Variants in KAZN observed in about 807,000 individuals in gnomAD.
The protein encoded by KAZN is kazrin, periplakin interacting protein, also known as kazrin.
Under a neutral mutation model 87.4 loss-of-function variants are expected in KAZN, and 40 were observed. That is an observed-to-expected ratio of 0.46 (90% CI 0.36 to 0.60). The LOEUF (loss-of-function observed/expected upper bound fraction) is 0.60, where lower values mean the gene tolerates loss of function less well. Among genes scored for constraint, KAZN ranks in the 20% least tolerant of loss-of-function variants. The pLI is 0.00. For synonymous variants in KAZN, 466 were observed against 458.3 expected (o/e 1.02, Z -0.22); for missense variants, 898 against 1,073.9 (o/e 0.84, Z 2.29).
rs1368693601 is a variant in KAZN, at chr1:15,066,677, G to A, written c.1222+924G>A. The stretch of plus-strand genomic sequence containing the variant: ...ATGTCTATTTTTCCATGGGGTGGGC[G>A]GGAGGTGGGTGTCTCTGTTGACTTG... On this transcript the variant is annotated intron_variant, in intron 8 of 14. Transcript: ENST00000376030. This position sits in a 1 kb window ranked among gnomAD's most constrained non-coding sequence, Gnocchi z 4.3. 6.1e-6 allele frequency: 6 copies of A among 985,152 alleles called. No homozygotes were observed. The highest frequency in any genetic ancestry group is 6.2e-5 in the Admixed American group (1 of 16,256). 61.0% of individuals were successfully genotyped at this position (985,152 alleles called of 1,614,324 possible).
At chr1:14,261,383 T>C (rs1337660163) in intron 2 of KAZN, among the ~76,000 whole-genome samples, 3 of 152,210 alleles carry the variant, frequency 2.0e-5, no homozygotes, top group Non-Finnish European at 2.9e-5. Flanking sequence ...ATGATTATTA[T>C]TGTTGTAATC....
At position 14,633,975 on chromosome 1, in the gene KAZN, G is replaced by T. The variant is rs16850626; in HGVS notation, c.226+34752G>T. ...CAATAGAACCTGACAAAATGGGGTT[G>T]TTCTGGTGCCCTGGTGCCTACCTGT... is the stretch of plus-strand genomic sequence containing the variant. On this transcript the variant is annotated intron_variant, in intron 1 of 14. Transcript: ENST00000376030. Among the ~76,000 whole-genome samples, 865 of 152,184 alleles carry T rather than the reference G, an allele frequency of 5.7e-3. 11 individuals are homozygous for T. The highest frequency in any genetic ancestry group is 0.02 in the African/African-American group (834 of 41,514).
chr1:14,535,453 G>T (rs575219246), intron 2 of KAZN, among the ~76,000 whole-genome samples: 2 of 152,270 alleles, frequency 1.3e-5, no homozygotes, highest in South Asian at 2.1e-4. Context: ...GGATCACAAG[G>T]TCAGGAGATT....
At chr1:14,907,748 T>A (rs1656774063) in intron 1 of KAZN, among the ~76,000 whole-genome samples, 3 of 151,922 alleles carry the variant, frequency 2.0e-5, no homozygotes, top group Non-Finnish European at 4.4e-5. Context: ...GTAAGGAAAG[T>A]CATGGAGCTG....
intron 2 of KAZN, among the ~76,000 whole-genome samples, chr1:14,475,792 C>A (rs145229210): frequency 9.2e-5 from 14 of 151,948 alleles, no homozygotes; most frequent in African/African-American, 3.4e-4. Context: ...TGATGTGAGG[C>A]AAAGGAAAGC....
chr1:14,747,143 G>A (rs189160272), intron 1 of KAZN, among the ~76,000 whole-genome samples: 262 of 152,204 alleles, frequency 1.7e-3, no homozygotes, highest in Non-Finnish European at 3.2e-3. Context: ...TCATCAGTGC[G>A]GTAGCATGTT....
At chr1:14,427,065 G>A (rs532798987) in intron 2 of KAZN, among the ~76,000 whole-genome samples, 1 of 152,212 alleles carries the variant, frequency 6.6e-6, no homozygotes, top group Admixed American at 6.5e-5. Context: ...CACAAGACCT[G>A]TAAAATTGTT....
chr1:14,499,417 T>G (rs1670119751), intron 2 of KAZN, among the ~76,000 whole-genome samples: 1 of 152,196 alleles, frequency 6.6e-6, no homozygotes, highest in South Asian at 2.1e-4. Context: ...ATGGGATCGA[T>G]TCCTCCTAAG....
At chr1:13,917,722 A>G (rs1057217613) in intron 1 of KAZN, among the ~76,000 whole-genome samples, 11 of 150,402 alleles carry the variant, frequency 7.3e-5, no homozygotes, top group African/African-American at 2.2e-4. Flanking sequence ...ACTGGGGCCC[A>G]GAAGGTTGAG....
intron 1 of KAZN, among the ~76,000 whole-genome samples, chr1:13,913,275 T>C (rs1434849968): frequency 6.6e-6 from 1 of 152,100 alleles, no homozygotes; most frequent in East Asian, 1.9e-4. Context: ...TGTTTTGGTA[T>C]AAACTAGCAG....
At chr1:13,961,934 C>T (rs1443794614) in intron 1 of KAZN, among the ~76,000 whole-genome samples, 1 of 152,186 alleles carries the variant, frequency 6.6e-6, no homozygotes, top group African/African-American at 2.4e-5. Context: ...CCTCTTGCAC[C>T]CTCAGGGCCT....
At chr1:14,130,031 A>G (rs565093829) in intron 1 of KAZN, among the ~76,000 whole-genome samples, 2 of 152,358 alleles carry the variant, frequency 1.3e-5, no homozygotes, top group South Asian at 4.1e-4. Flanking sequence ...TTAAAAAATG[A>G]ATAAGATTCA....
intron 1 of KAZN, among the ~76,000 whole-genome samples, chr1:14,097,297 A>G (rs891609479): frequency 1.3e-5 from 2 of 152,208 alleles, no homozygotes; most frequent in African/African-American, 2.4e-5. Context: ...AAACTATTGC[A>G]ATAGTCCAGG....
intron 1 of KAZN, among the ~76,000 whole-genome samples, chr1:14,074,277 C>A (rs1435586694): frequency 1.3e-5 from 2 of 152,268 alleles, no homozygotes; most frequent in African/African-American, 4.8e-5. Flanking sequence ...CTTTGGCTCC[C>A]AGCCCCCAGC....
At chr1:14,164,532 C>CTA (rs1394843150) in intron 1 of KAZN, among the ~76,000 whole-genome samples, 1 of 132,790 alleles carries the variant, frequency 7.5e-6, no homozygotes, top group Admixed American at 7.5e-5. Flanking sequence ...TGTGAGTTTC[C>CTA]TCTTTTTTTT....
intron 4 of KAZN, among the ~76,000 whole-genome samples, chr1:15,046,113 C>T (rs963592961): frequency 6.6e-6 from 1 of 152,138 alleles, no homozygotes; most frequent in Admixed American, 6.5e-5. Context: ...GCCTGGCTAA[C>T]ACGGTGTAAC....
chr1:14,966,348 T>C (rs917727865), intron 2 of KAZN, among the ~76,000 whole-genome samples: 4 of 152,232 alleles, frequency 2.6e-5, no homozygotes. Context: ...AGAGCAGCAT[T>C]ATTTTTTAAA....
intron 1 of KAZN, among the ~76,000 whole-genome samples, chr1:13,998,184 G>A (rs752716554): frequency 2.6e-5 from 4 of 152,104 alleles, no homozygotes; most frequent in Admixed American, 6.5e-5. Context: ...GAGGGATTTC[G>A]TTACCACCAG....
chr1:14,829,769 G>A (rs2100870097), intron 1 of KAZN, among the ~76,000 whole-genome samples: 1 of 152,348 alleles, frequency 6.6e-6, no homozygotes, highest in South Asian at 2.1e-4. Context: ...AGGCTAGTGT[G>A]GCCAGAGCAT....
Sources: gnomAD v4.1 joint callset for allele counts (sites outside exome capture counted in the v4.1 genomes callset) on GRCh38, gnomAD v4.1.1 for gene constraint, Gnocchi (gnomAD v3.1) non-coding constraint, MANE v1.5 for transcripts, NCBI Gene and HGNC (gene_info 2026-07-23, HGNC 2026-07-21) for gene names.